Variants in RRP9 observed in about 807,000 individuals in gnomAD.
RRP9 encodes the protein ribosomal RNA processing 9, U3 small nucleolar RNA binding protein.
RRP9 carries 35 observed loss-of-function variants against 65.5 expected under a neutral mutation model. The observed-to-expected ratio is 0.53, with a 90% CI of 0.41 to 0.71. The LOEUF (loss-of-function observed/expected upper bound fraction) is 0.71. Among genes scored for constraint, RRP9 ranks in the 30% least tolerant of loss-of-function variants. The pLI is 0.00. For synonymous variants in RRP9, 254 were observed against 245.0 expected (o/e 1.04, Z -0.34); for missense variants, 533 against 633.6 (o/e 0.84, Z 1.70).
rs978735188 is a variant in RRP9, at chr3:51,941,644, G to C, written c.87+137C>G. 1.6e-4 allele frequency: 176 copies of C among 1,091,942 alleles called. No individual in the cohort carries two copies. In the African/African-American group the frequency reaches 2.7e-3, roughly 17 times the overall value. 67.6% of individuals were successfully genotyped at this position (1,091,942 alleles called of 1,614,324 possible). On this transcript the variant is annotated intron_variant, in intron 1 of 14. Coordinates refer to ENST00000232888, the MANE Select transcript of RRP9 (RefSeq NM_004704.5). ...ACGGCTTTCTAGGATTTGGCCCGCGGAGAGAGGGACGAAGCTGACTCCAGC... is the reference window on the plus strand; with the variant it reads ...ACGGCTTTCTAGGATTTGGCCCGCGCAGAGAGGGACGAAGCTGACTCCAGC...
intron 1 of RRP9, 94 bp from the exon 2 acceptor site, chr3:51,941,585 G>A: frequency 7.9e-7 from 1 of 1,271,858 alleles, no homozygotes; most frequent in Non-Finnish European, 1.1e-6. Context: ...AGAACCCCAG[G>A]AATGGGGAAG....
At chr3:51,936,832 C>T (rs916506247) in intron 6 of RRP9, among the ~76,000 whole-genome samples, 2 of 152,204 alleles carry the variant, frequency 1.3e-5, no homozygotes, top group African/African-American at 2.4e-5. Context: ...GTTACTACAG[C>T]GGGTGTAGAA....
intron 2 of RRP9, among the ~76,000 whole-genome samples, chr3:51,938,804 T>C (rs1189801880): frequency 6.6e-6 from 1 of 152,146 alleles, no homozygotes; most frequent in Non-Finnish European, 1.5e-5. Flanking sequence ...AGGGTGACAC[T>C]ATCCCCAGAC....
chr3:51,940,385 C>T (rs1699506752), intron 2 of RRP9, among the ~76,000 whole-genome samples: 1 of 152,130 alleles, frequency 6.6e-6, no homozygotes, highest in South Asian at 2.1e-4. Context: ...AGCCTCCAAC[C>T]CACAGGGTCA....
chr3:51,941,156 CTCAA>C (rs1405427719), intron 2 of RRP9, among the ~76,000 whole-genome samples: 1 of 152,226 alleles, frequency 6.6e-6, no homozygotes, highest in African/African-American at 2.4e-5. Flanking sequence ...CCTGCAATTT[CTCAA>C]TCAGTCCAGT....
At position 51,933,443 on chromosome 3, in the gene RRP9, G is replaced by A; in HGVS notation, c.*63C>T. 7.2e-7 allele frequency: 1 copy of A among 1,386,336 alleles called. No individual in the cohort carries two copies. Among genetic ancestry groups the A allele is most frequent in the South Asian group, 1.2e-5 (1 of 83,164 alleles). 85.9% of individuals were successfully genotyped at this position (1,386,336 alleles called of 1,614,324 possible). A position where few individuals can be genotyped will look rare whatever the true frequency, so the allele number is the denominator to read the frequency against. On this transcript the variant is annotated 3_prime_UTR_variant, in exon 15 of 15. Transcript: ENST00000232888. ...CAAGAAACAAGGCCCAAAAGAGGAG[G>A]CTTTTAATACAAAGAGGGTGGGGCA...
chr3:51,933,852 A>T lies in RRP9; in HGVS notation c.1261-71T>A, dbSNP rs533026655. ...ACCACCGTCCTCAGCATCACAGTCA[A>T]GGGCTGGGCCTTATCAGGCCTGGGT... On this transcript the variant is annotated intron_variant, in intron 13 of 14. Coordinates refer to ENST00000232888, the MANE Select transcript of RRP9 (RefSeq NM_004704.5). The T allele has an allele frequency of 1.4e-4, 202 of 1,454,094 alleles. 3 individuals carry two copies. In the South Asian group the frequency reaches 2.2e-3, roughly 16 times the overall value. The allele number at this position is 1,454,094 out of a possible 1,614,324, so 90.1% of individuals were successfully genotyped here. A position where few individuals can be genotyped will look rare whatever the true frequency, so the allele number is the denominator to read the frequency against.
In RRP9 at chr3:51,941,892, G is replaced by A. The variant is rs746800310; in HGVS notation, c.-25C>T. The A allele has an allele frequency of 2.0e-5, 31 of 1,553,308 alleles. No homozygotes were observed. Among genetic ancestry groups the A allele is most frequent in the Middle Eastern group, 3.4e-4 (2 of 5,936 alleles). ...TGCTGCCCACCAGGCGTGTAGCAGCGGCCGCAGAACTCACGTGGCAGCTGA... is the reference window on the plus strand; with the variant it reads ...TGCTGCCCACCAGGCGTGTAGCAGCAGCCGCAGAACTCACGTGGCAGCTGA... On this transcript the variant is annotated 5_prime_UTR_variant, in exon 1 of 15. Coordinates refer to ENST00000232888, the MANE Select transcript of RRP9 (RefSeq NM_004704.5).
At chr3:51,941,328 A>C in intron 2 of RRP9, 81 bp downstream of exon 2, 1 of 1,164,958 alleles carries the variant, frequency 8.6e-7, no homozygotes, top group South Asian at 1.2e-5. Context: ...TTCTAGGCTC[A>C]GTTCTGTTCG....
chr3:51,941,604 T>C, intron 1 of RRP9, 113 bp from the exon 2 acceptor site: 6 of 1,191,200 alleles, frequency 5.0e-6, no homozygotes, highest in Non-Finnish European at 7.4e-6. Flanking sequence ...AGGCGGTGGT[T>C]CCCGGGTTAA....
In RRP9 at chr3:51,934,051, G is replaced by T. The variant is rs546512646; in HGVS notation, c.1261-270C>A. On this transcript the variant is annotated intron_variant, in intron 13 of 14. Coordinates refer to ENST00000232888, the MANE Select transcript of RRP9 (RefSeq NM_004704.5). The surrounding 1 kb of genome is among the most constrained non-coding windows in gnomAD (Gnocchi z 4.1). Reference sequence around the variant, plus strand: ...GTATGGCCTGAGGCTGGCTCCTGGTGGTGGGGCCCTGGAGACCCCATGACT... The same window carrying T: ...GTATGGCCTGAGGCTGGCTCCTGGTTGTGGGGCCCTGGAGACCCCATGACT... 1.3e-5 allele frequency among the ~76,000 whole-genome samples: 2 copies of T among 152,294 alleles called. No homozygotes were observed. Among genetic ancestry groups the T allele is most frequent in the East Asian group, 1.9e-4 (1 of 5,184 alleles).
intron 14 of RRP9, 48 bp downstream of exon 14, chr3:51,933,660 C>G: frequency 6.2e-7 from 1 of 1,610,742 alleles, no homozygotes; most frequent in East Asian, 2.2e-5. Context: ...TTCCACCGAG[C>G]TGTCCAGCCT....
At chr3:51,936,210 T>C (rs763881666) in intron 8 of RRP9, 47 bp downstream of exon 8, 2 of 1,552,312 alleles carry the variant, frequency 1.3e-6, no homozygotes, top group Non-Finnish European at 1.8e-6. Flanking sequence ...CCTAGAACAC[T>C]AGCATGTGCC....
In RRP9 at chr3:51,937,858, G is replaced by T; in HGVS notation, c.281-122C>A. 8.1e-7 allele frequency: 1 copy of T among 1,236,904 alleles called. No individual in the cohort carries two copies. The highest frequency in any genetic ancestry group is 1.1e-6 in the Non-Finnish European group (1 of 872,878). 76.6% of individuals were successfully genotyped at this position (1,236,904 alleles called of 1,614,324 possible). A position where few individuals can be genotyped will look rare whatever the true frequency, so the allele number is the denominator to read the frequency against. On this transcript the variant is annotated intron_variant, in intron 3 of 14. Transcript: ENST00000232888. The surrounding 1 kb of genome is among the most constrained non-coding windows in gnomAD (Gnocchi z 5.0). Reference sequence around the variant, plus strand: ...GGAAGCTCCAGCTGCCTCAGCAGAGGGGAGGGCAAGCTGGAGGGTTTCCTC... The same window carrying T: ...GGAAGCTCCAGCTGCCTCAGCAGAGTGGAGGGCAAGCTGGAGGGTTTCCTC...
intron 2 of RRP9, among the ~76,000 whole-genome samples, chr3:51,939,593 C>T (rs957267350): frequency 5.3e-5 from 8 of 152,212 alleles, no homozygotes; most frequent in African/African-American, 1.9e-4. Flanking sequence ...GGTCACACAA[C>T]TGTGTGTGTT....
chr3:51,935,733 C>T (rs1258245972), intron 8 of RRP9, 41 bp from the exon 9 acceptor site: 1 of 1,538,548 alleles, frequency 6.5e-7, no homozygotes, highest in Non-Finnish European at 9.0e-7. Flanking sequence ...ACCTGGACTA[C>T]AGCAGGCGAG....
In RRP9 at chr3:51,934,393, G is replaced by GA. The variant is rs900694230; in HGVS notation, c.1260+78dup. On this transcript the variant is annotated intron_variant, in intron 13 of 14. Coordinates refer to ENST00000232888, the MANE Select transcript of RRP9 (RefSeq NM_004704.5). The surrounding 1 kb of genome is among the most constrained non-coding windows in gnomAD (Gnocchi z 4.1). ...TGAGAAGGTTCCCTTCTGGCAGGAA[G>GA]AAAGACCTTAAAGAGCTAACTCCAG... 6.9e-7 allele frequency: 1 copy of GA among 1,444,474 alleles called. No individual in the cohort carries two copies. The highest frequency in any genetic ancestry group is 9.4e-7 in the Non-Finnish European group (1 of 1,061,440). The allele number at this position is 1,444,474 out of a possible 1,614,324, so 89.5% of individuals were successfully genotyped here.
intron 6 of RRP9, 138 bp from the exon 7 acceptor site, chr3:51,936,693 G>T: frequency 1.1e-6 from 1 of 891,078 alleles, no homozygotes. Context: ...CAGCCACCGT[G>T]AGCCTCCGGA....
Position 51,938,178 on chromosome 3 carries a change from T to G in RRP9, c.197A>C (p.Glu66Ala), listed in dbSNP as rs370715673. ...AGTTTCCTCCAGCTCCTCCTCCTCC[T>G]CCTCCTCAGGCTTCCTTGGAGCTAG... is the stretch of plus-strand genomic sequence containing the variant. Reference protein sequence around the residue: ...ESLAPRKPEEEEEEELEETAQ... With the variant: ...ESLAPRKPEEAEEEELEETAQ... Residue 66 changes from glutamate to alanine, a missense_variant, in exon 3 of 15, where the codon GAG becomes GCG. Around this residue, in one of 3 missense-constraint regions of RRP9, gnomAD observed 449 missense variants for 550.6 expected, o/e 0.82. Coordinates refer to ENST00000232888, the MANE Select transcript of RRP9 (RefSeq NM_004704.5). The G allele has an allele frequency of 4.2e-5, 67 of 1,581,282 alleles. No individual in the cohort carries two copies. The highest frequency in any genetic ancestry group is 5.7e-5 in the Non-Finnish European group (67 of 1,166,242).
Sources: allele counts gnomAD v4.1 joint callset (sites outside exome capture counted in the v4.1 genomes callset), GRCh38; gene constraint gnomAD v4.1.1; regional missense constraint gnomAD v4.1.1; non-coding constraint Gnocchi (gnomAD v3.1); transcripts MANE v1.5; gene names NCBI Gene and HGNC (gene_info 2026-07-23, HGNC 2026-07-21).